Variants in CHN2 observed in about 807,000 individuals in gnomAD.
The protein encoded by CHN2 is beta-chimaerin.
Under a neutral mutation model 56.3 loss-of-function variants are expected in CHN2, and 35 were observed. The ratio of observed to expected loss-of-function variants is 0.62; its 90% CI spans 0.47 to 0.82. CHN2 has a LOEUF of 0.82. Among genes scored for constraint, CHN2 ranks in the 40% least tolerant of loss-of-function variants. The pLI is 0.00. For synonymous variants in CHN2, 210 were observed against 212.8 expected (o/e 0.99, Z 0.12); for missense variants, 491 against 580.5 (o/e 0.85, Z 1.58).
intron 1 of CHN2, among the ~76,000 whole-genome samples, chr7:29,338,777 A>G (rs1796817128): frequency 6.6e-6 from 1 of 152,058 alleles, no homozygotes; most frequent in South Asian, 2.1e-4. Flanking sequence ...ACAGGGTTTC[A>G]CCACGTTGGC....
chr7:29,472,680 G>T (rs1286023896), intron 6 of CHN2, among the ~76,000 whole-genome samples: 1 of 150,150 alleles, frequency 6.7e-6, no homozygotes, highest in African/African-American at 2.4e-5. Flanking sequence ...AAATGGGCAT[G>T]TTTTTTTTTT....
intron 1 of CHN2, among the ~76,000 whole-genome samples, chr7:29,250,665 C>G (rs1788421277): frequency 6.6e-6 from 1 of 152,030 alleles, no homozygotes; most frequent in South Asian, 2.1e-4. Flanking sequence ...ACATGGAGCA[C>G]CACACCTAGT....
intron 6 of CHN2, among the ~76,000 whole-genome samples, chr7:29,475,024 G>T: frequency 6.6e-6 from 1 of 151,998 alleles, no homozygotes. Context: ...TCCTTTCCTG[G>T]GCACTTTGTA....
At chr7:29,507,938 T>C (rs1294636134) in intron 11 of CHN2, among the ~76,000 whole-genome samples, 1 of 152,188 alleles carries the variant, frequency 6.6e-6, no homozygotes, top group African/African-American at 2.4e-5. Context: ...TTGGTCTAGA[T>C]TAACTACTTT....
chr7:29,431,560 G>T (rs905419098), intron 6 of CHN2, among the ~76,000 whole-genome samples: 3 of 152,194 alleles, frequency 2.0e-5, no homozygotes, highest in African/African-American at 7.2e-5. Flanking sequence ...TTCTTAGAAG[G>T]TTGGTTGGTC....
At chr7:29,394,450 A>G (rs745836599) in intron 4 of CHN2, among the ~76,000 whole-genome samples, 5 of 152,140 alleles carry the variant, frequency 3.3e-5, no homozygotes, top group Non-Finnish European at 5.9e-5. Flanking sequence ...CTACCTTCCA[A>G]GCTCTCACAG....
At chr7:29,500,699 G>GA (rs953385109) in intron 9 of CHN2, among the ~76,000 whole-genome samples, 16 of 151,326 alleles carry the variant, frequency 1.1e-4, no homozygotes, top group Non-Finnish European at 2.1e-4. Context: ...TTGGAGCTTT[G>GA]AAAAAAAAGG....
chr7:29,323,777 C>T (rs1050303648), intron 1 of CHN2, among the ~76,000 whole-genome samples: 9 of 151,926 alleles, frequency 5.9e-5, no homozygotes, highest in Non-Finnish European at 1.0e-4. Context: ...GCGGGCGGAT[C>T]ACGAGGTCAG....
rs60859228 is a variant in CHN2 at position 29,352,350 on chromosome 7, C to CGTGTGTGT, written c.50-2264_50-2257dup. Among the ~76,000 whole-genome samples the CGTGTGTGT allele has an allele frequency of 7.0e-3, 1,043 of 149,954 alleles. 8 individuals carry two copies. The highest frequency in any genetic ancestry group is 0.019 in the African/African-American group (766 of 40,266). On this transcript the variant is annotated intron_variant, in intron 1 of 12. Coordinates refer to ENST00000222792, the MANE Select transcript of CHN2 (RefSeq NM_004067.4). ...GGATTTGCATTTGTGTGCAGTCTGT[C>CGTGTGTGT]GTGTGTGTGTGTGTGTGTATGTGTG...
intron 1 of CHN2, among the ~76,000 whole-genome samples, chr7:29,290,753 G>C (rs1230963500): frequency 6.6e-6 from 1 of 152,114 alleles, no homozygotes; most frequent in Admixed American, 6.5e-5. Context: ...ATCCATTCGG[G>C]TCTGCAGCAA....
chr7:29,414,100 G>C (rs541953996), intron 6 of CHN2, among the ~76,000 whole-genome samples: 2 of 152,100 alleles, frequency 1.3e-5, no homozygotes, highest in Admixed American at 6.6e-5. Flanking sequence ...TTACTATATC[G>C]CAAGGTGATG....
chr7:29,203,189 T>G (rs1784282610), intron 1 of CHN2, among the ~76,000 whole-genome samples: 3 of 152,194 alleles, frequency 2.0e-5, no homozygotes, highest in Admixed American at 6.5e-5. Context: ...GATCTAGGCC[T>G]GGCACGGTGG....
At chr7:29,483,009 A>G (rs1787498190) in intron 7 of CHN2, among the ~76,000 whole-genome samples, 1 of 150,756 alleles carries the variant, frequency 6.6e-6, no homozygotes. Flanking sequence ...TTTTAGTAGA[A>G]ACGGGGTTTC....
intron 1 of CHN2, among the ~76,000 whole-genome samples, chr7:29,336,768 A>C (rs1351118050): frequency 1.8e-5 from 1 of 54,296 alleles, no homozygotes; most frequent in Non-Finnish European, 5.1e-5. Flanking sequence ...TCAAAAAAAA[A>C]AAAAAAAAAA....
chr7:29,149,189 C>CTTTTTTTTTTTTTTTTTTTTT (rs60520174), intron 2 of CHN2, among the ~76,000 whole-genome samples: 1 of 100,340 alleles, frequency 1.0e-5, no homozygotes. Flanking sequence ...GTCTGTTTCC[C>CTTTTTTTTTTTTTTTTTTTTT]TTTTTTTTTT....
intron 7 of CHN2, among the ~76,000 whole-genome samples, chr7:29,490,256 T>A (rs1788514347): frequency 6.6e-6 from 1 of 152,136 alleles, no homozygotes; most frequent in Non-Finnish European, 1.5e-5. Flanking sequence ...ACACCATCAC[T>A]TCCCCACCTG....
intron 7 of CHN2, among the ~76,000 whole-genome samples, chr7:29,494,697 A>C (rs1207722677): frequency 6.6e-6 from 1 of 152,186 alleles, no homozygotes; most frequent in African/African-American, 2.4e-5. Context: ...ACTTCGCTTT[A>C]TTACAGAGTT....
chr7:29,191,012 G>A (rs1782823368), upstream of CHN2, among the ~76,000 whole-genome samples: 1 of 151,680 alleles, frequency 6.6e-6, no homozygotes, highest in African/African-American at 2.4e-5. Context: ...AGAGCTCACT[G>A]CATCCTTGAA....
chr7:29,275,368 G>C (rs1351373376), intron 1 of CHN2, among the ~76,000 whole-genome samples: 3 of 152,174 alleles, frequency 2.0e-5, no homozygotes, highest in African/African-American at 7.2e-5. Context: ...TGGAGAAAAT[G>C]TCAAGTACCA....
Sources: allele counts gnomAD v4.1 joint callset (sites outside exome capture counted in the v4.1 genomes callset), GRCh38; gene constraint gnomAD v4.1.1; transcripts MANE v1.5; gene names NCBI Gene and HGNC (gene_info 2026-07-23, HGNC 2026-07-21).